HAUS6: variants seen among roughly 807,000 people sequenced by gnomAD.
HAUS6 encodes the protein HAUS augmin like complex subunit 6, also known as HAUS augmin-like complex subunit 6.
Under a neutral mutation model 106.8 loss-of-function variants are expected in HAUS6, and 80 were observed. The observed-to-expected ratio is 0.75, with a 90% CI of 0.63 to 0.90. HAUS6 has a LOEUF of 0.90. Among genes scored for constraint, HAUS6 ranks in the 40% least tolerant of loss-of-function variants. HAUS6 has a pLI of 0.00. For synonymous variants in HAUS6, 356 were observed against 379.1 expected, an observed-to-expected ratio of 0.94 and a Z score of 0.71; for missense variants, 1,155 against 1,118.1, an observed-to-expected ratio of 1.03 and a Z score of -0.47.
At chr9:19,089,326 G>A in intron 5 of HAUS6, 86 bp downstream of exon 5, 1 of 819,212 alleles carries the variant, frequency 1.2e-6, no homozygotes, top group South Asian at 1.6e-5. Flanking sequence ...TTTTCAGGTA[G>A]GCATGGATTA....
In HAUS6 at chr9:19,073,164, G is replaced by A. The variant is rs1049318033; in HGVS notation, c.1295-2864C>T. ...AAGGTGAAGAAAGGTGGATATCCAAGGATTAACTACATATGTACCTTTTAA... is the reference window on the plus strand; with the variant it reads ...AAGGTGAAGAAAGGTGGATATCCAAAGATTAACTACATATGTACCTTTTAA... On this transcript the variant is annotated intron_variant, in intron 11 of 16. Transcript: ENST00000380502. 2.0e-5 allele frequency among the ~76,000 whole-genome samples: 3 copies of A among 151,880 alleles called. No homozygotes were observed. In the East Asian group the frequency reaches 5.8e-4, roughly 29 times the overall value.
chr9:19,087,418 A>C (rs1001069850), intron 5 of HAUS6, among the ~76,000 whole-genome samples: 5 of 152,160 alleles, frequency 3.3e-5, no homozygotes, highest in African/African-American at 1.2e-4. Context: ...TCTTATCCTC[A>C]TCTCACATAC....
At chr9:19,094,416 C>T (rs1353796437) in intron 2 of HAUS6, 21 bp from the exon 3 acceptor site, 18 of 1,454,430 alleles carry the variant, frequency 1.2e-5, no homozygotes, top group South Asian at 4.7e-5. Flanking sequence ...AAAATAAAAG[C>T]GTAAGGACTA....
intron 1 of HAUS6, among the ~76,000 whole-genome samples, chr9:19,098,292 G>C (rs1253513565): frequency 1.3e-5 from 2 of 152,076 alleles, no homozygotes; most frequent in African/African-American, 4.8e-5. Flanking sequence ...ACAAAAATTA[G>C]CTGGGCGTGG....
At chr9:19,069,035 C>A (rs899653727) in intron 12 of HAUS6, among the ~76,000 whole-genome samples, 1 of 151,918 alleles carries the variant, frequency 6.6e-6, no homozygotes, top group African/African-American at 2.4e-5. Flanking sequence ...TTACCAAACA[C>A]CACAATATAT....
At chr9:19,084,635 C>CTTTTTTT (rs113235811) in intron 7 of HAUS6, among the ~76,000 whole-genome samples, 1 of 138,834 alleles carries the variant, frequency 7.2e-6, no homozygotes. Flanking sequence ...TTTCTTTTTT[C>CTTTTTTT]TTTTTTTTTT....
chr9:19,096,159 T>C (rs932860210), intron 2 of HAUS6, among the ~76,000 whole-genome samples: 3 of 152,158 alleles, frequency 2.0e-5, no homozygotes, highest in Admixed American at 6.5e-5. Flanking sequence ...TTTTAAGATA[T>C]GTACCAAAGA....
At chr9:19,094,445 A>G (rs1161135689) in intron 2 of HAUS6, 50 bp from the exon 3 acceptor site, 1 of 1,035,966 alleles carries the variant, frequency 9.7e-7, no homozygotes. Context: ...AATAGCCAAA[A>G]AAAAAAGCCT....
chr9:19,086,613 C>G, intron 7 of HAUS6, 121 bp downstream of exon 7: 2 of 525,108 alleles, frequency 3.8e-6, no homozygotes, highest in Non-Finnish European at 6.8e-6. Flanking sequence ...GAGCGAGACT[C>G]CAACTCCAAA....
chr9:19,065,561 C>T (rs1458753534), intron 12 of HAUS6, among the ~76,000 whole-genome samples: 1 of 152,144 alleles, frequency 6.6e-6, no homozygotes, highest in Admixed American at 6.6e-5. Context: ...AAATTTTGGG[C>T]TGGGCGCGGT....
intron 11 of HAUS6, among the ~76,000 whole-genome samples, chr9:19,072,074 C>T (rs1227387376): frequency 6.6e-6 from 1 of 151,844 alleles, no homozygotes; most frequent in Non-Finnish European, 1.5e-5. Flanking sequence ...CCTGTAATCC[C>T]AGCTACTTGG....
intron 8 of HAUS6, 44 bp from the exon 9 acceptor site, chr9:19,080,716 T>C (rs1255862079): frequency 3.7e-6 from 4 of 1,079,128 alleles, no homozygotes; most frequent in African/African-American, 3.2e-5. Flanking sequence ...CTATAGGTTG[T>C]TACAACAAAC....
chr9:19,060,984 G>A (rs1836603168), intron 14 of HAUS6, among the ~76,000 whole-genome samples: 1 of 152,090 alleles, frequency 6.6e-6, no homozygotes, highest in Non-Finnish European at 1.5e-5. Flanking sequence ...CAACAACATG[G>A]AGAAACCCCA....
intron 10 of HAUS6, among the ~76,000 whole-genome samples, chr9:19,077,480 A>G (rs944705458): frequency 2.0e-5 from 3 of 152,002 alleles, no homozygotes; most frequent in Non-Finnish European, 4.4e-5. Context: ...GGCTGCAGTG[A>G]GCTGAGATCG....
At position 19,078,212 on chromosome 9, in the gene HAUS6, A is replaced by G; in HGVS notation, c.1155T>C (p.Gly385=). Residue 385 remains glycine, a synonymous_variant, in exon 10 of 17, where the codon GGT becomes GGC. Transcript: ENST00000380502. ...EWHKKWKEFL[G]LSPFSLIKGW... is the part of the protein sequence containing the mutation. ...CTTTAATTAGACTGAAAGGAGACAA[A>G]CCAAGAAATTCTTTCCACTTTTTAT... 6.2e-7 allele frequency: 1 copy of G among 1,604,318 alleles called. No homozygotes were observed. The highest frequency in any genetic ancestry group is 1.3e-5 in the African/African-American group (1 of 74,824).
intron 5 of HAUS6, among the ~76,000 whole-genome samples, chr9:19,088,286 T>C (rs1302584370): frequency 6.6e-6 from 1 of 151,746 alleles, no homozygotes; most frequent in Non-Finnish European, 1.5e-5. Flanking sequence ...CATGGTAGCA[T>C]GCACCTGTAA....
intron 14 of HAUS6, among the ~76,000 whole-genome samples, chr9:19,060,848 C>A (rs530794475): frequency 6.6e-6 from 1 of 152,302 alleles, no homozygotes; most frequent in African/African-American, 2.4e-5. Flanking sequence ...AAAAAATAAA[C>A]TTCTTGAAGC....
intron 12 of HAUS6, among the ~76,000 whole-genome samples, chr9:19,065,698 A>G (rs1836747844): frequency 6.6e-6 from 1 of 151,748 alleles, no homozygotes; most frequent in Non-Finnish European, 1.5e-5. Context: ...AAAATTAGCC[A>G]GGTGTGGTCA....
intron 1 of HAUS6, among the ~76,000 whole-genome samples, chr9:19,100,376 C>A (rs1245309538): frequency 6.6e-6 from 1 of 152,068 alleles, no homozygotes; most frequent in East Asian, 1.9e-4. Context: ...AAAATAAAAA[C>A]AAAAAAGTAA....
Sources: allele counts gnomAD v4.1 joint callset (sites outside exome capture counted in the v4.1 genomes callset), GRCh38; gene constraint gnomAD v4.1.1; transcripts MANE v1.5; gene names NCBI Gene and HGNC (gene_info 2026-07-23, HGNC 2026-07-21).